The following ADAM12 variants were observed in gnomAD, a reference collection of about 807,000 sequenced individuals.
ADAM12 encodes the protein disintegrin and metalloproteinase domain-containing protein 12.
In ADAM12, 70 loss-of-function variants were observed where a neutral mutation model predicts 106.4. The ratio of observed to expected loss-of-function variants is 0.66; its 90% confidence interval spans 0.54 to 0.80. ADAM12 has a LOEUF of 0.80. Among genes scored for constraint, ADAM12 ranks in the 30% least tolerant of loss-of-function variants. The probability of loss-of-function intolerance (pLI) is 0.00; values close to 1 mark genes in which losing one functional copy is unlikely to be tolerated. For synonymous variants in ADAM12, 420 were observed against 433.5 expected, an observed-to-expected ratio of 0.97 and a Z score of 0.39; for missense variants, 1,010 against 1,171.9, an observed-to-expected ratio of 0.86 and a Z score of 2.02.
chr10:126,282,514 A>C (rs1433831527), intron 2 of ADAM12, among the ~76,000 whole-genome samples: 1 of 152,192 alleles, frequency 6.6e-6, no homozygotes, highest in African/African-American at 2.4e-5. Context: ...ATTCCTAAGC[A>C]ATACACTGTT....
In ADAM12 at chr10:126,330,483, C is replaced by T. The variant is rs183337783; in HGVS notation, c.115G>A (p.Ala39Thr). 4.3e-6 allele frequency: 7 copies of T among 1,613,854 alleles called. No homozygotes were observed. The highest frequency in any genetic ancestry group is 4.0e-5 in the African/African-American group (3 of 75,036). The change falls in exon 2 of 23, where the codon GCT (alanine) becomes ACT (threonine). Residue 39 changes from alanine to threonine, a missense_variant. Transcript: ENST00000448723. ...RGVSLWNQGR[A>T]DEVVSASVGS... ...ACAGAGGCACTGACAACTTCATCAGCTCTTCCTTGGTTCCATAAGCTCACC... is the reference window on the plus strand; with the variant it reads ...ACAGAGGCACTGACAACTTCATCAGTTCTTCCTTGGTTCCATAAGCTCACC...
rs757775891 is a variant in ADAM12, at chr10:126,043,186, T to A, written c.1996-38A>T. 2.5e-6 allele frequency: 4 copies of A among 1,590,718 alleles called. No individual in the cohort carries two copies. Among genetic ancestry groups the A allele is most frequent in the Middle Eastern group, 1.7e-4 (1 of 6,022 alleles). Reference sequence around the variant, plus strand: ...AGGGGAGGGACGTGGGGTTAGGGCATATGCTCTGTGCATCACCACAGCAGA... The same window carrying A: ...AGGGGAGGGACGTGGGGTTAGGGCAAATGCTCTGTGCATCACCACAGCAGA... On this transcript the variant is annotated intron_variant, in intron 17 of 22. Coordinates refer to ENST00000448723, the MANE Select transcript of ADAM12 (RefSeq NM_001288973.2). The surrounding 1 kb of genome is among the most constrained non-coding windows in gnomAD (Gnocchi z 4.1).
At chr10:126,163,815 T>C (rs776303620) in intron 3 of ADAM12, among the ~76,000 whole-genome samples, 1 of 152,204 alleles carries the variant, frequency 6.6e-6, no homozygotes, top group Admixed American at 6.5e-5. Context: ...ACAACACCTC[T>C]AAACCTAGCA....
Position 126,388,357 on chromosome 10 carries a change from T to TGCGCGCGCGC in ADAM12, c.-222_-213dup. 1.6e-6 allele frequency: 1 copy of TGCGCGCGCGC among 643,934 alleles called. No individual in the cohort carries two copies. Among genetic ancestry groups the TGCGCGCGCGC allele is most frequent in the Non-Finnish European group, 2.1e-6 (1 of 471,188 alleles). The allele number at this position is 643,934 out of a possible 1,614,324, so 39.9% of individuals were successfully genotyped here. A position where few individuals can be genotyped will look rare whatever the true frequency, so the allele number is the denominator to read the frequency against. ...GTTTCCCCCCGTGTGTGTGCGTGCGTGCGCGCGCGCGCGCCGTTCTGGCAC... is the reference window on the plus strand; with the variant it reads ...GTTTCCCCCCGTGTGTGTGCGTGCGTGCGCGCGCGCGCGCGCGCGCGCGCCGTTCTGGCAC... On this transcript the variant is annotated 5_prime_UTR_variant, in exon 1 of 23. Transcript: ENST00000448723. This position sits in a 1 kb window ranked among gnomAD's most constrained non-coding sequence, Gnocchi z 4.4.
At chr10:126,298,507 G>T (rs2133793958) in intron 2 of ADAM12, among the ~76,000 whole-genome samples, 1 of 152,222 alleles carries the variant, frequency 6.6e-6, no homozygotes, top group African/African-American at 2.4e-5. Flanking sequence ...TAAAAGGCTG[G>T]AAAGTTCAGA....
At chr10:126,150,862 G>A (rs1212383514) in intron 4 of ADAM12, among the ~76,000 whole-genome samples, 1 of 152,104 alleles carries the variant, frequency 6.6e-6, no homozygotes, top group Non-Finnish European at 1.5e-5. Context: ...GTATGGAAAG[G>A]TTTCATCCCC....
At chr10:126,377,215 C>A (rs1360347461) in intron 1 of ADAM12, among the ~76,000 whole-genome samples, 1 of 152,146 alleles carries the variant, frequency 6.6e-6, no homozygotes, top group Non-Finnish European at 1.5e-5. Context: ...CCACCACATA[C>A]CAACTCTATT....
chr10:126,339,020 G>A (rs920108772), intron 1 of ADAM12, among the ~76,000 whole-genome samples: 5 of 152,118 alleles, frequency 3.3e-5, no homozygotes, highest in African/African-American at 1.2e-4. Context: ...ACCACCTTCT[G>A]CCAAAATACA....
intron 1 of ADAM12, among the ~76,000 whole-genome samples, chr10:126,355,833 C>G (rs1855519074): frequency 6.6e-6 from 1 of 152,176 alleles, no homozygotes; most frequent in South Asian, 2.1e-4. Flanking sequence ...TGTGTATCTT[C>G]CAGTGGCAGC....
intron 1 of ADAM12, among the ~76,000 whole-genome samples, chr10:126,347,103 G>A (rs1855170265): frequency 6.6e-6 from 1 of 152,208 alleles, no homozygotes; most frequent in Admixed American, 6.5e-5. Flanking sequence ...AGTTGATGCA[G>A]TTTCTTGCTA....
At chr10:126,182,269 T>C (rs1363828029) in intron 3 of ADAM12, among the ~76,000 whole-genome samples, 1 of 152,172 alleles carries the variant, frequency 6.6e-6, no homozygotes, top group African/African-American at 2.4e-5. Context: ...CAGATATCTA[T>C]CACAGCACAG....
At chr10:126,206,452 G>T (rs1378860969) in intron 3 of ADAM12, among the ~76,000 whole-genome samples, 1 of 152,122 alleles carries the variant, frequency 6.6e-6, no homozygotes, top group Non-Finnish European at 1.5e-5. Flanking sequence ...TGACTCCTCG[G>T]CACTCAAGCA....
At chr10:126,248,356 C>T (rs1161404030) in intron 3 of ADAM12, among the ~76,000 whole-genome samples, 8 of 152,202 alleles carry the variant, frequency 5.3e-5, no homozygotes, top group Non-Finnish European at 8.8e-5. Flanking sequence ...ATATAACAAA[C>T]AACCATTTTT....
chr10:126,087,318 C>T (rs1275707403), intron 11 of ADAM12, among the ~76,000 whole-genome samples: 1 of 152,158 alleles, frequency 6.6e-6, no homozygotes, highest in Non-Finnish European at 1.5e-5. Flanking sequence ...CATATTGATG[C>T]GCCCTTCTTG....
intron 3 of ADAM12, among the ~76,000 whole-genome samples, chr10:126,254,190 G>A (rs1958842873): frequency 1.3e-5 from 2 of 152,192 alleles, no homozygotes; most frequent in African/African-American, 2.4e-5. Context: ...GGGGTCTGCA[G>A]GCAGCCTCCC....
At chr10:126,121,137 A>ATATATATATATATATATAGTATATAT in intron 5 of ADAM12, among the ~76,000 whole-genome samples, 1 of 28,610 alleles carries the variant, frequency 3.5e-5, no homozygotes, top group South Asian at 8.5e-4. Flanking sequence ...TATACTATAT[A>ATATATATATATATATATAGTATATAT]CTATATATAC....
At chr10:126,290,931 G>A (rs151035626) in intron 2 of ADAM12, among the ~76,000 whole-genome samples, 6 of 152,328 alleles carry the variant, frequency 3.9e-5, no homozygotes, top group African/African-American at 9.6e-5. Context: ...TCATTTTGGT[G>A]TAGAATGTTT....
chr10:126,255,130 C>T (rs1441051177), intron 3 of ADAM12, among the ~76,000 whole-genome samples: 1 of 152,162 alleles, frequency 6.6e-6, no homozygotes, highest in Non-Finnish European at 1.5e-5. Context: ...GCAATGCCAC[C>T]CTCTGTGGGT....
chr10:126,138,325 AT>A (rs964351524), intron 4 of ADAM12, among the ~76,000 whole-genome samples: 10 of 151,782 alleles, frequency 6.6e-5, no homozygotes, highest in South Asian at 2.1e-4. Context: ...TGATTTACAG[AT>A]TTTTTTCCCA....
Sources: gnomAD v4.1 joint callset for allele counts (sites outside exome capture counted in the v4.1 genomes callset) on GRCh38, gnomAD v4.1.1 for gene constraint, Gnocchi (gnomAD v3.1) non-coding constraint, MANE v1.5 for transcripts, NCBI Gene and HGNC (gene_info 2026-07-23, HGNC 2026-07-21) for gene names.